The following NAA15 variants were observed in gnomAD, a reference collection of about 807,000 sequenced individuals.
NAA15 encodes the protein N-terminal acetyltransferase.
In NAA15, 34 loss-of-function variants were observed where a neutral mutation model predicts 114.0. The ratio of observed to expected loss-of-function variants is 0.30; its 90% CI spans 0.23 to 0.40. The LOEUF is 0.40. Among genes scored for constraint, NAA15 ranks in the 10% least tolerant of loss-of-function variants. NAA15 has a pLI of 1.00. For missense variants in NAA15, 658 were observed against 1,004.5 expected (o/e 0.66, Z 4.66); for synonymous variants, 340 against 338.0 (o/e 1.01, Z -0.06).
At chr4:139,332,112 T>C (rs1272754064) in intron 1 of NAA15, among the ~76,000 whole-genome samples, 1 of 152,148 alleles carries the variant, frequency 6.6e-6, no homozygotes, top group African/African-American at 2.4e-5. Context: ...CTGTATTATA[T>C]TCCTTATTTA....
intron 10 of NAA15, among the ~76,000 whole-genome samples, chr4:139,354,754 T>G (rs771668756): frequency 6.6e-6 from 1 of 152,254 alleles, no homozygotes; most frequent in African/African-American, 2.4e-5. Flanking sequence ...TACTTTTCTC[T>G]ACTCCCATAT....
In NAA15 at chr4:139,354,043, G is replaced by T; in HGVS notation, c.1032G>T (p.Glu344Asp). ...KDKEKVAIIE[E>D]LVVGYETSLK... ...TACTCTAGGTGGCAATCATAGAAGA[G>T]TTAGTAGTAGGTTATGAAACCTCTC... Residue 344 changes from glutamate (E) to aspartate (D), a missense_variant, in exon 10 of 20, where the codon GAG becomes GAT. Glu to Asp is a conservative substitution (Grantham distance 45, BLOSUM62 2). Around this residue, in one of 6 missense-constraint regions of NAA15, gnomAD observed 281 missense variants for 389.1 expected, o/e 0.72. Coordinates refer to ENST00000296543, the MANE Select transcript of NAA15 (RefSeq NM_057175.5). The T allele has an allele frequency of 6.2e-7, 1 of 1,613,558 alleles. No homozygotes were observed. Among genetic ancestry groups the T allele is most frequent in the South Asian group, 1.1e-5 (1 of 91,014 alleles).
At chr4:139,332,248 A>T in intron 1 of NAA15, among the ~76,000 whole-genome samples, 1 of 152,012 alleles carries the variant, frequency 6.6e-6, no homozygotes. Context: ...CTCCTGCCTC[A>T]GCTTCCCAAG....
chr4:139,309,621 A>G (rs1746150865), intron 1 of NAA15, among the ~76,000 whole-genome samples: 1 of 152,160 alleles, frequency 6.6e-6, no homozygotes, highest in South Asian at 2.1e-4. Flanking sequence ...GAGATGCAGT[A>G]TGAATGAACA....
At chr4:139,305,494 G>A (rs1434264595) in intron 1 of NAA15, among the ~76,000 whole-genome samples, 1 of 149,724 alleles carries the variant, frequency 6.7e-6, no homozygotes, top group Non-Finnish European at 1.5e-5. Flanking sequence ...ATAATGTGAT[G>A]TGTGTGCTCT....
At chr4:139,312,540 A>G (rs991844193) in intron 1 of NAA15, among the ~76,000 whole-genome samples, 61 of 151,908 alleles carry the variant, frequency 4.0e-4, no homozygotes, top group Admixed American at 3.9e-3. Context: ...TACACTTTTA[A>G]CTAAAGCAAT....
In NAA15 at chr4:139,359,730, T is replaced by C; in HGVS notation, c.1258-13T>C. The C allele has an allele frequency of 6.3e-7, 1 of 1,592,326 alleles. No homozygotes were observed. The highest frequency in any genetic ancestry group is 8.5e-7 in the Non-Finnish European group (1 of 1,174,862). On this transcript the variant is annotated splice_polypyrimidine_tract_variant and intron_variant, in intron 11 of 19. Coordinates refer to ENST00000296543, the MANE Select transcript of NAA15 (RefSeq NM_057175.5). ...CATGCTAACTGGTTTATTTTGCTTT[T>C]GTACCTTATAAGCATGCTGGAAATA... is the stretch of plus-strand genomic sequence containing the variant.
At chr4:139,342,394 C>G (rs1747432198) in intron 4 of NAA15, among the ~76,000 whole-genome samples, 1 of 151,612 alleles carries the variant, frequency 6.6e-6, no homozygotes, top group Admixed American at 6.6e-5. Flanking sequence ...TAAAGCTACA[C>G]AATATGGATG....
At chr4:139,374,171 G>A (rs12650920) in intron 15 of NAA15, among the ~76,000 whole-genome samples, 40,373 of 151,978 alleles carry the variant, frequency 0.27, 5,680 homozygotes, top group African/African-American at 0.35. Context: ...TTAATATGAG[G>A]ATTAGATTTC....
chr4:139,333,366 G>T (rs1440378199), intron 1 of NAA15, among the ~76,000 whole-genome samples: 1 of 151,930 alleles, frequency 6.6e-6, no homozygotes, highest in South Asian at 2.1e-4. Flanking sequence ...AGAGTGCATT[G>T]CTATTCTGAT....
At chr4:139,343,174 A>G (rs6838733) in intron 5 of NAA15, among the ~76,000 whole-genome samples, 146 of 152,286 alleles carry the variant, frequency 9.6e-4, no homozygotes, top group African/African-American at 3.2e-3. Flanking sequence ...CTATTTATCT[A>G]TTTTAATTTT....
At chr4:139,334,901 T>C (rs911109096) in intron 2 of NAA15, among the ~76,000 whole-genome samples, 2 of 152,244 alleles carry the variant, frequency 1.3e-5, no homozygotes, top group East Asian at 3.8e-4. Context: ...TAATTCTCCA[T>C]TAGATTCCTT....
At position 139,328,868 on chromosome 4, in the gene NAA15, C is replaced by CT. The variant is rs912299069; in HGVS notation, c.55-5295dup. 3.4e-3 allele frequency among the ~76,000 whole-genome samples: 455 copies of CT among 133,884 alleles called. 3 individuals carry two copies. Among genetic ancestry groups the CT allele is most frequent in the African/African-American group, 0.01 (374 of 36,182 alleles). 87.8% of individuals were successfully genotyped at this position (133,884 alleles called of 152,430 possible). On this transcript the variant is annotated intron_variant, in intron 1 of 19. Transcript: ENST00000296543. The stretch of plus-strand genomic sequence containing the variant: ...GGCGTGAGCCACTGTGCCCGGCCTT[C>CT]TTTTTTTTTTTCCTCAGACAGAGTC...
intron 7 of NAA15, among the ~76,000 whole-genome samples, chr4:139,350,255 CA>C: frequency 6.6e-6 from 1 of 152,166 alleles, no homozygotes; most frequent in Non-Finnish European, 1.5e-5. Context: ...TCAGCATGGG[CA>C]ACATGGTGAG....
At chr4:139,302,011 G>C in intron 1 of NAA15, 180 bp downstream of exon 1, 1 of 577,340 alleles carries the variant, frequency 1.7e-6, no homozygotes, top group Non-Finnish European at 2.9e-6. Context: ...TGGCCCGCGC[G>C]CCAGGGACCA....
At chr4:139,357,659 ACT>A in intron 11 of NAA15, 104 bp downstream of exon 11, 1 of 749,890 alleles carries the variant, frequency 1.3e-6, no homozygotes, top group East Asian at 2.8e-5. Flanking sequence ...ACATTTGATA[ACT>A]CAAAAAACAT....
At position 139,389,170 on chromosome 4, in the gene NAA15, T is replaced by C. The variant is rs1468159319; in HGVS notation, c.*1086T>C. On this transcript the variant is annotated 3_prime_UTR_variant, in exon 20 of 20. Coordinates refer to ENST00000296543, the MANE Select transcript of NAA15 (RefSeq NM_057175.5). ...CAGTTGTTTCAGGCAAGCCCAAGAC[T>C]TTGTAATTTTTAAAGGGCCCAAGAT... 6.6e-6 allele frequency: 1 copy of C among 151,942 alleles called. No individual in the cohort carries two copies. Among genetic ancestry groups the C allele is most frequent in the Non-Finnish European group, 1.5e-5 (1 of 67,974 alleles). The allele number at this position is 151,942 out of a possible 1,614,324, so 9.4% of individuals were successfully genotyped here.
rs4640623 is a variant in NAA15 at position 139,347,905 on chromosome 4, G to A, written c.692-1557G>A. 5.6e-3 allele frequency among the ~76,000 whole-genome samples: 847 copies of A among 151,558 alleles called. 33 individuals carry two copies. The highest frequency in any genetic ancestry group is 0.048 in the Admixed American group (725 of 15,198). On this transcript the variant is annotated intron_variant, in intron 6 of 19. Coordinates refer to ENST00000296543, the MANE Select transcript of NAA15 (RefSeq NM_057175.5). ...AAATTAGCCGGGCGCGGTGGCGGGCGCCTGTAGTCCCAGCTACTCGGGAGG... is the reference window on the plus strand; with the variant it reads ...AAATTAGCCGGGCGCGGTGGCGGGCACCTGTAGTCCCAGCTACTCGGGAGG...
At chr4:139,358,499 G>T (rs991489146) in intron 11 of NAA15, among the ~76,000 whole-genome samples, 1 of 151,816 alleles carries the variant, frequency 6.6e-6, no homozygotes, top group Non-Finnish European at 1.5e-5. Flanking sequence ...CCTGGCTAAA[G>T]AAGCACTTTT....
Sources: allele counts gnomAD v4.1 joint callset (sites outside exome capture counted in the v4.1 genomes callset), GRCh38; gene constraint gnomAD v4.1.1; regional missense constraint gnomAD v4.1.1; transcripts MANE v1.5; gene names NCBI Gene and HGNC (gene_info 2026-07-23, HGNC 2026-07-21).